Variants in KIAA1217 observed in about 807,000 individuals in gnomAD.
KIAA1217 encodes the protein KIAA1217.
A neutral mutation model predicts 163.9 loss-of-function variants in KIAA1217; 88 were observed. The observed-to-expected ratio is 0.54, with a 90% CI of 0.45 to 0.64. KIAA1217 has a LOEUF of 0.64. Ranked by LOEUF, KIAA1217 falls within the 30% of genes least tolerant of loss-of-function variation. The pLI is 0.00. For missense variants in KIAA1217, 2,372 were observed against 2,475.0 expected (o/e 0.96, Z 0.88); for synonymous variants, 903 against 923.1 (o/e 0.98, Z 0.39).
At chr10:24,493,232 G>A (rs1337547255) in intron 6 of KIAA1217, among the ~76,000 whole-genome samples, 1 of 152,214 alleles carries the variant, frequency 6.6e-6, no homozygotes, top group Non-Finnish European at 1.5e-5. Flanking sequence ...TGCAGCATGG[G>A]AATCCCCACC....
chr10:24,138,009 A>G (rs1223423555), intron 2 of KIAA1217, among the ~76,000 whole-genome samples: 1 of 152,210 alleles, frequency 6.6e-6, no homozygotes, highest in Non-Finnish European at 1.5e-5. Flanking sequence ...GATTTGAAAA[A>G]TGCAGAAAAA....
intron 2 of KIAA1217, among the ~76,000 whole-genome samples, chr10:24,046,946 G>T (rs528989336): frequency 1.3e-5 from 2 of 152,194 alleles, no homozygotes; most frequent in African/African-American, 4.8e-5. Context: ...TGATTGGTTA[G>T]CTAGTTCCTG....
intron 2 of KIAA1217, among the ~76,000 whole-genome samples, chr10:24,144,551 G>A (rs1001112288): frequency 2.6e-5 from 4 of 152,144 alleles, no homozygotes; most frequent in Non-Finnish European, 5.9e-5. Context: ...AATCTAACAT[G>A]ACTAATTTTT....
At chr10:24,151,780 A>G (rs962786999) in intron 2 of KIAA1217, among the ~76,000 whole-genome samples, 1 of 151,684 alleles carries the variant, frequency 6.6e-6, no homozygotes, top group Admixed American at 6.6e-5. Flanking sequence ...AGCTACATAG[A>G]CTTAGGGGGA....
At chr10:23,949,930 A>C (rs1229317571) in intron 1 of KIAA1217, among the ~76,000 whole-genome samples, 1 of 152,196 alleles carries the variant, frequency 6.6e-6, no homozygotes, top group East Asian at 1.9e-4. Flanking sequence ...TTACGTCAGG[A>C]ATTCTTCTAA....
chr10:24,210,953 T>TTA (rs397964329), intron 1 of KIAA1217, among the ~76,000 whole-genome samples: 13 of 151,960 alleles, frequency 8.6e-5, no homozygotes, highest in African/African-American at 3.1e-4. Context: ...TTTTTTTTTT[T>TTA]AGTATAAGTA....
At chr10:24,333,916 C>T (rs184047042) in intron 2 of KIAA1217, among the ~76,000 whole-genome samples, 50 of 152,302 alleles carry the variant, frequency 3.3e-4, no homozygotes, top group African/African-American at 1.1e-3. Context: ...TGGATGTCAG[C>T]TGTTCTATAT....
chr10:24,276,131 CTACAAGGTCATTGGAAT>C (rs2077260466), intron 2 of KIAA1217, among the ~76,000 whole-genome samples: 1 of 152,136 alleles, frequency 6.6e-6, no homozygotes, highest in Non-Finnish European at 1.5e-5. Context: ...TTGAATTGGG[CTACAAGGTCATTGGAAT>C]CTGCTGTTTC....
Position 24,477,867 on chromosome 10 carries a change from A to G in KIAA1217, c.1679+3807A>G, listed in dbSNP as rs546634309. ...AATCCATTGTCTCATCTATACCATG[A>G]TGTTATTTAGAAATGCTTAATCTGT... On this transcript the variant is annotated intron_variant, in intron 6 of 20. Coordinates refer to ENST00000376454, the MANE Select transcript of KIAA1217 (RefSeq NM_019590.5). Among the ~76,000 whole-genome samples, 28 of 152,304 alleles carry G rather than the reference A, an allele frequency of 1.8e-4. No individual in the cohort carries two copies. The South Asian group carries it at 5.8e-3, about 32-fold the overall frequency.
At chr10:23,773,082 A>G (rs2130884462) in intron 1 of KIAA1217, among the ~76,000 whole-genome samples, 1 of 152,306 alleles carries the variant, frequency 6.6e-6, no homozygotes, top group Non-Finnish European at 1.5e-5. Context: ...AATAATAAGA[A>G]TGGACATTGA....
At chr10:24,464,054 T>C (rs961278069) in intron 5 of KIAA1217, among the ~76,000 whole-genome samples, 1 of 152,210 alleles carries the variant, frequency 6.6e-6, no homozygotes, top group Non-Finnish European at 1.5e-5. Flanking sequence ...CTGGAGAATG[T>C]GCCTTCCACT....
intron 2 of KIAA1217, among the ~76,000 whole-genome samples, chr10:24,037,462 C>CT (rs1430242315): frequency 6.6e-6 from 1 of 152,152 alleles, no homozygotes; most frequent in Non-Finnish European, 1.5e-5. Context: ...TGCACTCTGG[C>CT]CTGGGCAATA....
intron 1 of KIAA1217, among the ~76,000 whole-genome samples, chr10:23,778,313 C>T (rs1390221143): frequency 6.6e-6 from 1 of 152,122 alleles, no homozygotes; most frequent in African/African-American, 2.4e-5. Context: ...ATAATTTGAA[C>T]AGTTACCATT....
At chr10:23,950,722 G>A (rs1336936073) in intron 1 of KIAA1217, among the ~76,000 whole-genome samples, 1 of 152,070 alleles carries the variant, frequency 6.6e-6, no homozygotes, top group African/African-American at 2.4e-5. Context: ...GGTGGGGATG[G>A]CTTTGGGATG....
chr10:24,208,966 T>C, upstream of KIAA1217: 1 of 406,536 alleles, frequency 2.5e-6, no homozygotes, highest in East Asian at 5.1e-5. Flanking sequence ...CGGACAGACC[T>C]AGGGACGGAG....
chr10:24,209,651 A>G (rs577214594), intron 1 of KIAA1217, among the ~76,000 whole-genome samples: 36 of 152,264 alleles, frequency 2.4e-4, no homozygotes, highest in African/African-American at 8.4e-4. Flanking sequence ...CGCAGCTTCC[A>G]TTCATTGGTT....
At chr10:24,295,308 T>G (rs1284470885) in intron 2 of KIAA1217, among the ~76,000 whole-genome samples, 1 of 152,196 alleles carries the variant, frequency 6.6e-6, no homozygotes, top group Non-Finnish European at 1.5e-5. Context: ...CTTAAAGAAA[T>G]GCTGGTAACT....
chr10:23,926,879 G>A (rs2131303100), intron 1 of KIAA1217, among the ~76,000 whole-genome samples: 1 of 151,934 alleles, frequency 6.6e-6, no homozygotes, highest in South Asian at 2.1e-4. Context: ...ATTTGAGACA[G>A]CAGTCTATCC....
At chr10:23,879,650 T>C (rs1041890683) in intron 1 of KIAA1217, among the ~76,000 whole-genome samples, 1 of 151,902 alleles carries the variant, frequency 6.6e-6, no homozygotes, top group Non-Finnish European at 1.5e-5. Context: ...AAAAGACAGA[T>C]TGGAACCAGT....
Sources: gnomAD v4.1 joint callset for allele counts (sites outside exome capture counted in the v4.1 genomes callset) on GRCh38, gnomAD v4.1.1 for gene constraint, MANE v1.5 for transcripts, NCBI Gene and HGNC (gene_info 2026-07-23, HGNC 2026-07-21) for gene names.